Variants in CPNE9 observed in about 807,000 individuals in gnomAD.
CPNE9 encodes copine family member 9.
In CPNE9, 59 loss-of-function variants were observed where a neutral mutation model predicts 83.0. The observed-to-expected ratio is 0.71, with a 90% CI of 0.58 to 0.88. CPNE9 has a LOEUF of 0.88. CPNE9 is among the 40% of genes least tolerant of loss of function. The pLI is 0.00. For missense variants in CPNE9, 619 were observed against 720.8 expected (o/e 0.86, Z 1.62); for synonymous variants, 256 against 273.4 (o/e 0.94, Z 0.63).
At chr3:9,717,564 G>C (rs1005734465) in intron 15 of CPNE9, among the ~76,000 whole-genome samples, 13 of 152,196 alleles carry the variant, frequency 8.5e-5, no homozygotes, top group Admixed American at 7.2e-4. Flanking sequence ...TATGAGAATA[G>C]ACAAGGGAAT....
chr3:9,727,507 C>T, intron 20 of CPNE9: 1 of 686,672 alleles, frequency 1.5e-6, no homozygotes, highest in Non-Finnish European at 2.7e-6. Flanking sequence ...ACTGTGAGAG[C>T]CTGTAACAGG....
chr3:9,717,947 G>A, intron 15 of CPNE9, 82 bp from the exon 16 acceptor site: 1 of 1,200,910 alleles, frequency 8.3e-7, no homozygotes, highest in Non-Finnish European at 1.2e-6. Context: ...GGATATAGGT[G>A]GATGAATGCA....
At position 9,718,493 on chromosome 3, in the gene CPNE9, C is replaced by T. The variant is rs762213794; in HGVS notation, c.1132C>T (p.Pro378Ser). The change falls in exon 17 of 21, where the codon CCC (proline) becomes TCC (serine). Residue 378 changes from proline to serine, a missense_variant. Pro to Ser is a moderately conservative substitution (Grantham distance 74). Around this residue, in one of 3 missense-constraint regions of CPNE9, gnomAD observed 438 missense variants for 562.9 expected, o/e 0.78. Transcript: ENST00000383832. ...QFPLNNNDEDPNCAGIEGVLE... is the reference protein window; with the variant it reads ...QFPLNNNDEDSNCAGIEGVLE... ...TTGACAGAACAACAATGATGAGGAC[C>T]CCAACTGTGCGGGCATCGAGGGTGT... The T allele has an allele frequency of 6.2e-7, 1 of 1,613,304 alleles. No individual in the cohort carries two copies. Among genetic ancestry groups the T allele is most frequent in the Non-Finnish European group, 8.5e-7 (1 of 1,179,886 alleles).
chr3:9,725,686 A>ATATG lies in CPNE9; in HGVS notation c.1242-261_1242-260insTGTA, dbSNP rs767348050. Among the ~76,000 whole-genome samples the ATATG allele has an allele frequency of 7.8e-4, 103 of 132,900 alleles. 1 individual carries two copies. The highest frequency in any genetic ancestry group is 2.6e-3 in the African/African-American group (97 of 37,286). The allele number at this position is 132,900 out of a possible 152,430, so 87.2% of individuals were successfully genotyped here. ...TATGTATATATATGTGTATATATAT[A>ATATG]TACATATATGTGTATATATGTGTAT... On this transcript the variant is annotated intron_variant, in intron 17 of 20. Coordinates refer to ENST00000383832, the MANE Select transcript of CPNE9 (RefSeq NM_153635.3).
At chr3:9,716,371 G>A (rs2076683800) in intron 14 of CPNE9, among the ~76,000 whole-genome samples, 1 of 152,146 alleles carries the variant, frequency 6.6e-6, no homozygotes, top group African/African-American at 2.4e-5. Context: ...GCACAACCAA[G>A]CAGACTATAG....
rs1239394080 is a variant in CPNE9, at chr3:9,714,970, C to T, written c.692+15C>T. On this transcript the variant is annotated intron_variant, in intron 11 of 20. Transcript: ENST00000383832. Reference sequence around the variant, plus strand: ...CGGGATGGAAGGTAGAACTGCCCCACATGGTCCCTTCTCCTGTACTTGACC... The same window carrying T: ...CGGGATGGAAGGTAGAACTGCCCCATATGGTCCCTTCTCCTGTACTTGACC... The T allele has an allele frequency of 1.9e-6, 3 of 1,611,516 alleles. No individual in the cohort carries two copies. The highest frequency in any genetic ancestry group is 4.5e-5 in the East Asian group (2 of 44,876).
chr3:9,705,088 G>A (rs1019668335), intron 4 of CPNE9, 94 bp downstream of exon 4: 2 of 921,044 alleles, frequency 2.2e-6, no homozygotes, highest in South Asian at 1.4e-5. Flanking sequence ...CCTCCGGCCT[G>A]GTTCTTCTCG....
intron 20 of CPNE9, among the ~76,000 whole-genome samples, chr3:9,728,796 C>CT (rs1169415270): frequency 6.6e-6 from 1 of 151,828 alleles, no homozygotes; most frequent in Non-Finnish European, 1.5e-5. Context: ...AGTCCCTCTC[C>CT]TAGGCCTCTC....
intron 20 of CPNE9, among the ~76,000 whole-genome samples, chr3:9,728,761 C>T (rs1291997376): frequency 6.6e-6 from 1 of 151,626 alleles, no homozygotes; most frequent in Admixed American, 6.6e-5. Context: ...TCTCCCCCCA[C>T]ATCTCATTTC....
chr3:9,719,798 C>T (rs2076718394), intron 17 of CPNE9, among the ~76,000 whole-genome samples: 2 of 151,984 alleles, frequency 1.3e-5, no homozygotes, highest in Admixed American at 1.3e-4. Context: ...TCAAGACCAG[C>T]CTGGCCAAGA....
At chr3:9,717,509 G>A (rs1216753779) in intron 15 of CPNE9, among the ~76,000 whole-genome samples, 1 of 152,148 alleles carries the variant, frequency 6.6e-6, no homozygotes, top group Admixed American at 6.6e-5. Context: ...TTTAAGTTGG[G>A]GAAATAACAA....
rs35822164 is a variant in CPNE9, at chr3:9,720,538, T to G, written c.1241+1936T>G. 6.3e-3 allele frequency among the ~76,000 whole-genome samples: 966 copies of G among 152,332 alleles called. 3 individuals carry two copies. The highest frequency in any genetic ancestry group is 0.01 in the Middle Eastern group (3 of 294). ...ATTTGCAGTAATGATAATAGATTCT[T>G]TAATCATAACCGTAGAAAGTTTCAA... is the stretch of plus-strand genomic sequence containing the variant. On this transcript the variant is annotated intron_variant, in intron 17 of 20. Coordinates refer to ENST00000383832, the MANE Select transcript of CPNE9 (RefSeq NM_153635.3).
In CPNE9 at chr3:9,727,343, A is replaced by G. The variant is rs191429477; in HGVS notation, c.1476+157A>G. The G allele has an allele frequency of 1.2e-5, 11 of 885,980 alleles. No homozygotes were observed. In the Admixed American group the frequency reaches 1.4e-4, roughly 11 times the overall value. The allele number at this position is 885,980 out of a possible 1,614,324, so 54.9% of individuals were successfully genotyped here. A position where few individuals can be genotyped will look rare whatever the true frequency, so the allele number is the denominator to read the frequency against. ...TCATTGAATACATCCTTTTTGACAA[A>G]CAGGAAGGTTGCTGCAGCCTTGGCA... is the stretch of plus-strand genomic sequence containing the variant. On this transcript the variant is annotated intron_variant, in intron 20 of 20. Transcript: ENST00000383832.
chr3:9,725,914 C>G, intron 17 of CPNE9, 35 bp from the exon 18 acceptor site: 1 of 1,539,502 alleles, frequency 6.5e-7, no homozygotes, highest in Non-Finnish European at 9.0e-7. Context: ...GCCTGTCTGG[C>G]TTTCAGCTGG....
chr3:9,725,681 T>C (rs1195527421), intron 17 of CPNE9, among the ~76,000 whole-genome samples: 1 of 74,204 alleles, frequency 1.3e-5, no homozygotes, highest in East Asian at 2.8e-4. Flanking sequence ...TATGTGTATA[T>C]ATATATACAT....
intron 19 of CPNE9, 63 bp downstream of exon 19, chr3:9,726,785 G>A (rs377266790): frequency 2.4e-5 from 35 of 1,456,738 alleles, no homozygotes; most frequent in African/African-American, 8.4e-5. Context: ...GGAGGGGGTC[G>A]GGTACTTGGG....
At position 9,704,866 on chromosome 3, in the gene CPNE9, G is replaced by A. The variant is rs201599519; in HGVS notation, c.157-25G>A. ...TCCCCTGCCCGTCTGCACGTCCCAC[G>A]CTGACCCTCCACCCCCCTACCCAGT... On this transcript the variant is annotated intron_variant, in intron 3 of 20. Coordinates refer to ENST00000383832, the MANE Select transcript of CPNE9 (RefSeq NM_153635.3). This position sits in a 1 kb window ranked among gnomAD's most constrained non-coding sequence, Gnocchi z 7.1. 27 of 1,606,484 alleles carry A rather than the reference G, an allele frequency of 1.7e-5. No homozygotes were observed. The East Asian group carries it at 5.1e-4, about 31-fold the overall frequency.
At chr3:9,723,653 C>G (rs1257298103) in intron 17 of CPNE9, among the ~76,000 whole-genome samples, 1 of 152,162 alleles carries the variant, frequency 6.6e-6, no homozygotes, top group Non-Finnish European at 1.5e-5. Flanking sequence ...ATGCAATCCT[C>G]CTGACTCAGC....
chr3:9,710,728 C>T (rs1194251489), intron 7 of CPNE9, among the ~76,000 whole-genome samples: 1 of 152,104 alleles, frequency 6.6e-6, no homozygotes, highest in South Asian at 2.1e-4. Context: ...GTAAATATAT[C>T]GAAAGTGAGA....
Sources: allele counts gnomAD v4.1 joint callset (sites outside exome capture counted in the v4.1 genomes callset), GRCh38; gene constraint gnomAD v4.1.1; regional missense constraint gnomAD v4.1.1; non-coding constraint Gnocchi (gnomAD v3.1); transcripts MANE v1.5; gene names NCBI Gene and HGNC (gene_info 2026-07-23, HGNC 2026-07-21).